Variants in DPP10 observed in about 807,000 individuals in gnomAD.
DPP10 encodes the protein dipeptidyl peptidase like 10.
In DPP10, 33 loss-of-function variants were observed where a neutral mutation model predicts 120.9. The ratio of observed to expected loss-of-function variants is 0.27; its 90% CI spans 0.21 to 0.37. The LOEUF (loss-of-function observed/expected upper bound fraction) is 0.37, where lower values mean the gene tolerates loss of function less well. DPP10 is among the 10% of genes least tolerant of loss of function. The pLI, the probability that DPP10 is intolerant of heterozygous loss-of-function variation, is 1.00. For synonymous variants in DPP10, 337 were observed against 326.1 expected (o/e 1.03, Z -0.36); for missense variants, 816 against 942.8 (o/e 0.87, Z 1.76).
At chr2:114,580,386 A>G (rs1477799670) in intron 1 of DPP10, among the ~76,000 whole-genome samples, 1 of 152,172 alleles carries the variant, frequency 6.6e-6, no homozygotes, top group Non-Finnish European at 1.5e-5. Flanking sequence ...GGAAAATGAA[A>G]CTTTTCACTC....
chr2:115,780,894 T>A lies in DPP10; in HGVS notation c.1382T>A (p.Leu461Ter), dbSNP rs758649588. The change falls in exon 16 of 26, where the codon TTG (leucine) becomes TAG (stop). Residue 461 changes from leucine (L) to a stop codon, truncating the protein, a stop_gained. Coordinates refer to ENST00000410059, the MANE Select transcript of DPP10 (RefSeq NM_020868.6). LOFTEE classifies it high-confidence loss of function. ...QLYSASTEGL[L>*]NRQCISCNFM... ...TCCAGTGCTTCTACTGAAGGATTAT[T>A]GAATCGCCAATGCATTTCATGTAAT... 6.2e-7 allele frequency: 1 copy of A among 1,603,842 alleles called. No individual in the cohort carries two copies.
chr2:115,576,772 C>G (rs1488172972), intron 5 of DPP10, among the ~76,000 whole-genome samples: 1 of 152,172 alleles, frequency 6.6e-6, no homozygotes, highest in East Asian at 1.9e-4. Context: ...CATCCTCCAA[C>G]TCCAGGCCCA....
intron 3 of DPP10, among the ~76,000 whole-genome samples, chr2:115,354,492 C>A (rs879788402): frequency 3.3e-5 from 5 of 152,064 alleles, no homozygotes; most frequent in Admixed American, 2.6e-4. Context: ...GATAATGTCT[C>A]AAAATGCATC....
chr2:114,680,869 A>G (rs1698981545), intron 1 of DPP10, among the ~76,000 whole-genome samples: 1 of 151,980 alleles, frequency 6.6e-6, no homozygotes, highest in South Asian at 2.1e-4. Context: ...TCCCATAATC[A>G]AAGGCACTTA....
intron 1 of DPP10, among the ~76,000 whole-genome samples, chr2:114,677,212 T>C (rs1319544457): frequency 1.3e-5 from 2 of 152,118 alleles, no homozygotes; most frequent in Admixed American, 6.6e-5. Context: ...GTAGTGCAAA[T>C]TGAAGACGGC....
intron 3 of DPP10, chr2:115,469,026 T>TCTC: frequency 9.9e-6 from 2 of 201,224 alleles, no homozygotes; most frequent in Non-Finnish European, 2.0e-5. Flanking sequence ...AGTGGTGCGA[T>TCTC]AGCTGACTAC....
At chr2:114,874,264 TTGTC>T (rs1196902507) in intron 1 of DPP10, among the ~76,000 whole-genome samples, 1 of 152,152 alleles carries the variant, frequency 6.6e-6, no homozygotes, top group Non-Finnish European at 1.5e-5. Flanking sequence ...TGAATCGACT[TTGTC>T]TGTGCTAGAA....
At chr2:115,162,354 C>A in intron 1 of DPP10, 10 of 1,391,782 alleles carry the variant, frequency 7.2e-6, no homozygotes, top group Non-Finnish European at 9.4e-6. Context: ...AGGAATGGGG[C>A]CTCTTGGTTC....
chr2:114,930,914 CA>C lies in DPP10; in HGVS notation c.61-378323del, dbSNP rs1696021400. Among the ~76,000 whole-genome samples, 3 of 152,280 alleles carry C rather than the reference CA, an allele frequency of 2.0e-5. No individual in the cohort carries two copies. The South Asian group carries it at 6.2e-4, about 32-fold the overall frequency. ...TTATTAACTACTGCAAGAATGGCAG[CA>C]AGCAGTTCATAAAGGATTTACCCCC... On this transcript the variant is annotated intron_variant, in intron 1 of 25. Transcript: ENST00000410059.
chr2:114,738,183 A>T (rs10183726), intron 1 of DPP10, among the ~76,000 whole-genome samples: 398 of 152,268 alleles, frequency 2.6e-3, no homozygotes, highest in African/African-American at 9.2e-3. Flanking sequence ...ATCACCTCCC[A>T]CCAGGCCCCT....
At chr2:115,653,086 C>T (rs746739033) in intron 5 of DPP10, among the ~76,000 whole-genome samples, 6 of 151,940 alleles carry the variant, frequency 3.9e-5, no homozygotes, top group Non-Finnish European at 1.5e-5. Flanking sequence ...ACACAGAAAA[C>T]ATTCATTCAA....
At chr2:114,632,300 G>A (rs1186765150) in intron 1 of DPP10, among the ~76,000 whole-genome samples, 8 of 151,764 alleles carry the variant, frequency 5.3e-5, no homozygotes, top group Non-Finnish European at 1.0e-4. Context: ...CTCTGCTCCC[G>A]AACCATTTCT....
chr2:114,808,159 C>A (rs1472521995), intron 1 of DPP10, among the ~76,000 whole-genome samples: 1 of 152,168 alleles, frequency 6.6e-6, no homozygotes, highest in African/African-American at 2.4e-5. Flanking sequence ...GATGATTAGA[C>A]CTGCCACAAT....
chr2:115,462,652 A>G (rs956311350), intron 3 of DPP10, among the ~76,000 whole-genome samples: 19 of 152,178 alleles, frequency 1.2e-4, no homozygotes, highest in African/African-American at 4.1e-4. Flanking sequence ...ATATAAAATA[A>G]AAGTATTATA....
chr2:114,487,601 T>A (rs1263909845), intron 1 of DPP10, among the ~76,000 whole-genome samples: 2 of 152,304 alleles, frequency 1.3e-5, no homozygotes, highest in Admixed American at 1.3e-4. Flanking sequence ...AATGTGATTT[T>A]AAATTTTAAA....
intron 1 of DPP10, among the ~76,000 whole-genome samples, chr2:114,627,756 C>T (rs1694625605): frequency 6.6e-6 from 1 of 151,986 alleles, no homozygotes; most frequent in African/African-American, 2.4e-5. Context: ...CCAGAAACTC[C>T]CTAGGTAGCA....
chr2:115,261,501 C>T (rs1173671862), intron 1 of DPP10, among the ~76,000 whole-genome samples: 1 of 152,124 alleles, frequency 6.6e-6, no homozygotes. Context: ...CTTTTCTGTC[C>T]CAAGACTTTC....
chr2:115,579,993 G>A (rs1023952986), intron 5 of DPP10: 3 of 152,084 alleles, frequency 2.0e-5, no homozygotes, highest in Middle Eastern at 3.4e-3. Context: ...CCCCTGGCAG[G>A]CCCCAGTGTG....
intron 1 of DPP10, among the ~76,000 whole-genome samples, chr2:115,293,926 G>C (rs973203808): frequency 2.6e-5 from 4 of 152,092 alleles, no homozygotes; most frequent in Middle Eastern, 3.4e-3. Flanking sequence ...TGACAGCCAA[G>C]TCAAAAGATG....
Sources: gnomAD v4.1 joint callset for allele counts (sites outside exome capture counted in the v4.1 genomes callset) on GRCh38, gnomAD v4.1.1 for gene constraint, MANE v1.5 for transcripts, NCBI Gene and HGNC (gene_info 2026-07-23, HGNC 2026-07-21) for gene names.